Variants in C12orf56 observed in about 807,000 individuals in gnomAD.
The protein encoded by C12orf56 is chromosome 12 open reading frame 56, also known as uncharacterized protein C12orf56.
A neutral mutation model predicts 69.9 loss-of-function variants in C12orf56; 71 were observed. The ratio of observed to expected loss-of-function variants is 1.02; its 90% CI spans 0.84 to 1.24. The LOEUF (loss-of-function observed/expected upper bound fraction) is 1.24, where lower values mean the gene tolerates loss of function less well. Among genes scored for constraint, C12orf56 ranks in the 50% most tolerant of loss-of-function variants. C12orf56 has a pLI of 0.00. For missense variants in C12orf56, 732 were observed against 738.5 expected, an observed-to-expected ratio of 0.99 and a Z score of 0.10; for synonymous variants, 276 against 274.1, an observed-to-expected ratio of 1.01 and a Z score of -0.07.
chr12:64,352,849 CTTT>C, intron 2 of C12orf56, 42 bp downstream of exon 2: 3 of 1,312,262 alleles, frequency 2.3e-6, no homozygotes, highest in Non-Finnish European at 3.1e-6. Flanking sequence ...TATATATATA[CTTT>C]TTTTTTTGCC....
intron 1 of C12orf56, among the ~76,000 whole-genome samples, chr12:64,386,755 T>C (rs974035443): frequency 4.6e-5 from 7 of 150,560 alleles, no homozygotes; most frequent in African/African-American, 1.2e-4. Context: ...GATCTCAAAC[T>C]CCTGACCTCA....
intron 1 of C12orf56, among the ~76,000 whole-genome samples, chr12:64,385,659 T>C (rs2039778969): frequency 6.6e-6 from 1 of 151,986 alleles, no homozygotes; most frequent in Non-Finnish European, 1.5e-5. Flanking sequence ...GAGGACAGCT[T>C]CCATACCCTA....
In C12orf56 at chr12:64,354,876, C is replaced by T. The variant is rs548916569; in HGVS notation, c.253-1820G>A. Among the ~76,000 whole-genome samples, 6 of 150,574 alleles carry T rather than the reference C, an allele frequency of 4.0e-5. No homozygotes were observed. The South Asian group carries it at 1.0e-3, about 26-fold the overall frequency. Reference sequence around the variant, plus strand: ...AGTGGATCGCCTGAAGTCAGGAGTTCGAGACCAGCCTGACCAACATGGTGA... The same window carrying T: ...AGTGGATCGCCTGAAGTCAGGAGTTTGAGACCAGCCTGACCAACATGGTGA... On this transcript the variant is annotated intron_variant, in intron 1 of 12. Transcript: ENST00000543942.
chr12:64,329,184 C>T (rs1393814430), intron 3 of C12orf56, among the ~76,000 whole-genome samples: 3 of 152,140 alleles, frequency 2.0e-5, no homozygotes, highest in African/African-American at 4.8e-5. Flanking sequence ...CCACTAGAAC[C>T]TCAAGCTTAA....
intron 1 of C12orf56, among the ~76,000 whole-genome samples, chr12:64,363,261 A>G (rs748777498): frequency 3.3e-5 from 5 of 152,184 alleles, no homozygotes; most frequent in African/African-American, 4.8e-5. Flanking sequence ...GCACTGAGAA[A>G]ACTCTAAAAC....
At chr12:64,311,584 G>C (rs1168392147) in intron 5 of C12orf56, among the ~76,000 whole-genome samples, 1 of 152,182 alleles carries the variant, frequency 6.6e-6, no homozygotes, top group Non-Finnish European at 1.5e-5. Flanking sequence ...GAGTACAGTA[G>C]TGTTCCAGAA....
At chr12:64,308,951 G>GAAAGAAAGAA (rs2038566624) in intron 5 of C12orf56, among the ~76,000 whole-genome samples, 1 of 90,292 alleles carries the variant, frequency 1.1e-5, no homozygotes, top group African/African-American at 4.3e-5. Context: ...AAGAAAGAAA[G>GAAAGAAAGAA]AAAGAAAGAA....
At chr12:64,377,725 T>A (rs985954070) in intron 1 of C12orf56, among the ~76,000 whole-genome samples, 4 of 152,206 alleles carry the variant, frequency 2.6e-5, no homozygotes, top group African/African-American at 9.6e-5. Flanking sequence ...AGTTTCTGAT[T>A]TGTTCAGTTC....
intron 3 of C12orf56, among the ~76,000 whole-genome samples, chr12:64,327,581 A>G (rs76817125): frequency 0.015 from 2,250 of 152,350 alleles, 38 homozygotes; most frequent in Non-Finnish European, 0.024. Context: ...AAGTTTCACA[A>G]TGTGTGGCCC....
intron 5 of C12orf56, among the ~76,000 whole-genome samples, chr12:64,305,018 G>A (rs2038493210): frequency 6.6e-6 from 1 of 152,088 alleles, no homozygotes; most frequent in African/African-American, 2.4e-5. Flanking sequence ...ACTAGCTACT[G>A]CATGGAATGT....
chr12:64,308,820 G>A (rs2038551357), intron 5 of C12orf56, among the ~76,000 whole-genome samples: 1 of 147,882 alleles, frequency 6.8e-6, no homozygotes, highest in African/African-American at 2.5e-5. Flanking sequence ...TCCACCTTGG[G>A]CAACAGAGCA....
intron 2 of C12orf56, among the ~76,000 whole-genome samples, chr12:64,348,389 A>T (rs535993558): frequency 2.4e-4 from 37 of 152,366 alleles, no homozygotes; most frequent in South Asian, 6.2e-4. Flanking sequence ...AGCAAAATTT[A>T]TAAAGGATTG....
At chr12:64,272,059 A>C (rs2037996785) in intron 11 of C12orf56, among the ~76,000 whole-genome samples, 1 of 152,158 alleles carries the variant, frequency 6.6e-6, no homozygotes, top group Non-Finnish European at 1.5e-5. Flanking sequence ...GAGGCTGGTA[A>C]AGAAACTTCC....
chr12:64,370,566 G>A (rs764942640), intron 1 of C12orf56, among the ~76,000 whole-genome samples: 57 of 151,864 alleles, frequency 3.8e-4, no homozygotes, highest in Non-Finnish European at 6.9e-4. Flanking sequence ...CATGAGAATC[G>A]CTTGAGCCCA....
At position 64,265,452 on chromosome 12, in the gene C12orf56, C is replaced by A. The variant is rs989985154; in HGVS notation, c.*1731G>T. On this transcript the variant is annotated 3_prime_UTR_variant, in exon 13 of 13. Transcript: ENST00000543942. ...CCACTGAGCCGAGATAGCAGAGAAA[C>A]ACACTACTCCATTTCAGAGTGTTAA... 1 of 152,192 alleles carries A rather than the reference C, an allele frequency of 6.6e-6. No individual in the cohort carries two copies. Among genetic ancestry groups the A allele is most frequent in the African/African-American group, 2.4e-5 (1 of 41,436 alleles). 9.4% of individuals were successfully genotyped at this position (152,192 alleles called of 1,614,324 possible).
chr12:64,325,558 G>A (rs1272147390), intron 3 of C12orf56, among the ~76,000 whole-genome samples: 1 of 152,150 alleles, frequency 6.6e-6, no homozygotes, highest in African/African-American at 2.4e-5. Context: ...GTAAAAGGCA[G>A]AATAGTACAC....
intron 1 of C12orf56, among the ~76,000 whole-genome samples, chr12:64,365,625 C>T (rs1468268463): frequency 6.7e-6 from 1 of 149,374 alleles, no homozygotes; most frequent in Non-Finnish European, 1.5e-5. Flanking sequence ...AACAGCAGGG[C>T]ATGGTGGCTC....
At chr12:64,325,361 TA>T (rs545375992) in intron 3 of C12orf56, among the ~76,000 whole-genome samples, 9 of 118,778 alleles carry the variant, frequency 7.6e-5, no homozygotes, top group East Asian at 2.8e-4. Context: ...AGACCCTGTC[TA>T]AAAAAAAAAA....
chr12:64,279,401 AG>A (rs2038095463), intron 8 of C12orf56, among the ~76,000 whole-genome samples: 1 of 152,228 alleles, frequency 6.6e-6, no homozygotes, highest in Non-Finnish European at 1.5e-5. Flanking sequence ...AAGCAGCTGA[AG>A]GCAGACTGCT....
Sources: allele counts gnomAD v4.1 joint callset (sites outside exome capture counted in the v4.1 genomes callset), GRCh38; gene constraint gnomAD v4.1.1; transcripts MANE v1.5; gene names NCBI Gene and HGNC (gene_info 2026-07-23, HGNC 2026-07-21).